Variants in GALNTL6 observed in about 807,000 individuals in gnomAD.
GALNTL6 encodes the protein polypeptide N-acetylgalactosaminyltransferase like 6.
A neutral mutation model predicts 73.7 loss-of-function variants in GALNTL6; 46 were observed. That is an observed-to-expected ratio of 0.62 (90% CI 0.49 to 0.80). The LOEUF is 0.80. Ranked by LOEUF, GALNTL6 falls within the 30% of genes least tolerant of loss-of-function variation. GALNTL6 has a pLI of 0.00. For missense variants in GALNTL6, 604 were observed against 755.0 expected, an observed-to-expected ratio of 0.80 and a Z score of 2.34; for synonymous variants, 259 against 263.7, an observed-to-expected ratio of 0.98 and a Z score of 0.17.
At chr4:172,475,048 T>C (rs964953221) in intron 5 of GALNTL6, among the ~76,000 whole-genome samples, 1 of 152,230 alleles carries the variant, frequency 6.6e-6, no homozygotes, top group African/African-American at 2.4e-5. Context: ...TGTAATTTTA[T>C]TTATTGATTT....
intron 2 of GALNTL6, among the ~76,000 whole-genome samples, chr4:171,830,718 A>G (rs966245297): frequency 6.6e-6 from 1 of 152,172 alleles, no homozygotes; most frequent in African/African-American, 2.4e-5. Flanking sequence ...CATCAGACAT[A>G]TTGACCTCTG....
chr4:171,919,902 A>T (rs1204350170), intron 2 of GALNTL6, among the ~76,000 whole-genome samples: 1 of 152,138 alleles, frequency 6.6e-6, no homozygotes, highest in South Asian at 2.1e-4. Flanking sequence ...CAATCCCATT[A>T]CTGGGTGTAT....
At chr4:172,590,328 G>T (rs375377671) in intron 5 of GALNTL6, among the ~76,000 whole-genome samples, 32 of 152,122 alleles carry the variant, frequency 2.1e-4, no homozygotes, top group African/African-American at 7.0e-4. Flanking sequence ...CAAACTGGGG[G>T]AACCTCAGGA....
At chr4:173,005,818 T>C (rs540570793) in intron 10 of GALNTL6, among the ~76,000 whole-genome samples, 1 of 152,236 alleles carries the variant, frequency 6.6e-6, no homozygotes, top group Admixed American at 6.5e-5. Context: ...TTTACACAGA[T>C]GTAGACAATT....
chr4:172,895,396 A>T (rs1270725957), intron 8 of GALNTL6, among the ~76,000 whole-genome samples: 7 of 146,382 alleles, frequency 4.8e-5, no homozygotes, highest in African/African-American at 1.8e-4. Context: ...ATATATATAT[A>T]TATATATTTT....
At chr4:172,750,359 C>A (rs562915308) in intron 5 of GALNTL6, among the ~76,000 whole-genome samples, 4 of 152,292 alleles carry the variant, frequency 2.6e-5, no homozygotes, top group East Asian at 1.9e-4. Context: ...TTCCTTATTT[C>A]TCTTAAATCA....
chr4:172,709,476 C>G (rs572068841), intron 5 of GALNTL6, among the ~76,000 whole-genome samples: 1 of 152,274 alleles, frequency 6.6e-6, no homozygotes, highest in East Asian at 1.9e-4. Flanking sequence ...AAACACACAA[C>G]AAAGGGTCCT....
chr4:172,330,346 G>A (rs879354548), intron 4 of GALNTL6, among the ~76,000 whole-genome samples: 6 of 152,178 alleles, frequency 3.9e-5, no homozygotes, highest in African/African-American at 9.6e-5. Flanking sequence ...ATCCACTGGG[G>A]AGGTGTGGGT....
chr4:172,175,421 G>A (rs998382531), intron 2 of GALNTL6, among the ~76,000 whole-genome samples: 2 of 152,132 alleles, frequency 1.3e-5, no homozygotes, highest in East Asian at 3.9e-4. Context: ...GAATAGAGAG[G>A]TTAGCATTTG....
rs1156369615 is a variant in GALNTL6, at chr4:172,232,422, ATTC to A, written c.247+2661_247+2663del. On this transcript the variant is annotated intron_variant, in intron 3 of 12. Coordinates refer to ENST00000506823, the MANE Select transcript of GALNTL6 (RefSeq NM_001034845.3). ...AAATGTTAGTTGGTTCATTTTTACTATTCTTTAATTTTCTGTAACATTGTCCTC... is the reference window on the plus strand; with the variant it reads ...AAATGTTAGTTGGTTCATTTTTACTATTTAATTTTCTGTAACATTGTCCTC... Among the ~76,000 whole-genome samples, 8 of 151,818 alleles carry A rather than the reference ATTC, an allele frequency of 5.3e-5. No homozygotes were observed. The East Asian group carries it at 1.5e-3, about 29-fold the overall frequency.
chr4:172,746,731 A>C (rs1737128567), intron 5 of GALNTL6, among the ~76,000 whole-genome samples: 1 of 152,126 alleles, frequency 6.6e-6, no homozygotes, highest in African/African-American at 2.4e-5. Context: ...GCAAACCCAC[A>C]GCTAACATCA....
At chr4:172,250,796 TA>T (rs1737836602) in intron 3 of GALNTL6, among the ~76,000 whole-genome samples, 1 of 152,282 alleles carries the variant, frequency 6.6e-6, no homozygotes, top group Non-Finnish European at 1.5e-5. Context: ...CAGCCATGGT[TA>T]AAAAACTTTG....
intron 5 of GALNTL6, among the ~76,000 whole-genome samples, chr4:172,656,366 T>G (rs188124336): frequency 3.3e-5 from 5 of 152,332 alleles, no homozygotes; most frequent in Admixed American, 2.6e-4. Flanking sequence ...GGAATCCATG[T>G]CAACTGATAA....
chr4:171,833,057 C>T (rs1258509042), intron 2 of GALNTL6, among the ~76,000 whole-genome samples: 1 of 151,670 alleles, frequency 6.6e-6, no homozygotes, highest in African/African-American at 2.4e-5. Flanking sequence ...GATGATTCTA[C>T]CCTAAGGCCT....
intron 5 of GALNTL6, among the ~76,000 whole-genome samples, chr4:172,368,423 AT>A (rs1742651563): frequency 6.6e-6 from 1 of 152,204 alleles, no homozygotes; most frequent in South Asian, 2.1e-4. Context: ...TAATAGTAGA[AT>A]GTTATCCAGA....
intron 2 of GALNTL6, among the ~76,000 whole-genome samples, chr4:172,177,841 A>ATATATACACACACATATATATG (rs1560955731): frequency 6.5e-5 from 2 of 30,580 alleles, no homozygotes; most frequent in Admixed American, 4.3e-4. Context: ...ACACATATAT[A>ATATATACACACACATATATATG]TGTGTATATA....
intron 5 of GALNTL6, among the ~76,000 whole-genome samples, chr4:172,798,205 T>C (rs1387202695): frequency 2.0e-5 from 3 of 152,176 alleles, no homozygotes; most frequent in South Asian, 4.1e-4. Flanking sequence ...GGGAAAAAAA[T>C]TACTCTTAGT....
chr4:172,241,759 G>C (rs1209783237), intron 3 of GALNTL6, among the ~76,000 whole-genome samples: 1 of 152,124 alleles, frequency 6.6e-6, no homozygotes, highest in East Asian at 1.9e-4. Flanking sequence ...CACTAACGTA[G>C]TCATATTTAA....
At chr4:172,193,798 A>C (rs1735660420) in intron 2 of GALNTL6, among the ~76,000 whole-genome samples, 1 of 151,790 alleles carries the variant, frequency 6.6e-6, no homozygotes, top group Non-Finnish European at 1.5e-5. Flanking sequence ...GGGAGGCGGA[A>C]CTTGCAGTGA....
Sources: allele counts gnomAD v4.1 joint callset (sites outside exome capture counted in the v4.1 genomes callset), GRCh38; gene constraint gnomAD v4.1.1; transcripts MANE v1.5; gene names NCBI Gene and HGNC (gene_info 2026-07-23, HGNC 2026-07-21).